The following PLXNA4 variants were observed in gnomAD, a reference collection of about 807,000 sequenced individuals.
PLXNA4 encodes the protein plexin-A4.
PLXNA4 carries 44 observed loss-of-function variants against 191.8 expected under a neutral mutation model. That is an observed-to-expected ratio of 0.23 (90% CI 0.18 to 0.29). PLXNA4 has a LOEUF of 0.29. Ranked by LOEUF, PLXNA4 falls within the 10% of genes least tolerant of loss-of-function variation. The pLI, the probability that PLXNA4 is intolerant of heterozygous loss-of-function variation, is 1.00. For missense variants in PLXNA4, 1,800 were observed against 2,488.8 expected (o/e 0.72, Z 5.89); for synonymous variants, 1,082 against 1,009.5 (o/e 1.07, Z -1.36).
chr7:132,200,015 A>G (rs1242215408), intron 12 of PLXNA4, among the ~76,000 whole-genome samples: 2 of 152,188 alleles, frequency 1.3e-5, no homozygotes, highest in Non-Finnish European at 2.9e-5. Context: ...TGTTCTTCCC[A>G]AATGCCTGCC....
At chr7:132,579,771 T>TC (rs1160773735), upstream of PLXNA4, among the ~76,000 whole-genome samples, 1 of 152,130 alleles carries the variant, frequency 6.6e-6, no homozygotes, top group Non-Finnish European at 1.5e-5. Context: ...AAATTGCCTT[T>TC]CCCCGGTTGC....
At chr7:132,221,342 T>C (rs1303519177) in intron 9 of PLXNA4, among the ~76,000 whole-genome samples, 2 of 152,252 alleles carry the variant, frequency 1.3e-5, no homozygotes, top group African/African-American at 2.4e-5. Context: ...TTCAGTTTAC[T>C]CTTGGGCCTC....
At chr7:132,322,772 T>G (rs1802223823) in intron 3 of PLXNA4, among the ~76,000 whole-genome samples, 1 of 152,172 alleles carries the variant, frequency 6.6e-6, no homozygotes. Flanking sequence ...CTTTGGAAAT[T>G]TAGGAGATCA....
Position 132,508,368 on chromosome 7 carries a change from G to A in PLXNA4, c.326C>T (p.Thr109Ile), listed in dbSNP as rs762890659. The A allele has an allele frequency of 1.9e-6, 3 of 1,614,178 alleles. No homozygotes were observed. The Admixed American group carries it at 5.0e-5, about 27-fold the overall frequency. ...CATCTTGTTGACATTGTTGGTGGTGGTCAGGGGCTCATTGCAGGTCTGGAC... is the reference window on the plus strand; with the variant it reads ...CATCTTGTTGACATTGTTGGTGGTGATCAGGGGCTCATTGCAGGTCTGGAC... ...RIVQTCNEPL[T>I]TTNNVNKMLL... Residue 109 changes from threonine to isoleucine, a missense_variant, in exon 2 of 32, where the codon ACC (threonine) becomes ATC (isoleucine). Coordinates refer to ENST00000321063, the MANE Select transcript of PLXNA4 (RefSeq NM_020911.2). The surrounding 1 kb of genome is among the most constrained non-coding windows in gnomAD (Gnocchi z 4.4).
rs537766196 is a variant in PLXNA4, at chr7:132,529,847, C to T, written c.-86-21068G>A. Among the ~76,000 whole-genome samples the T allele has an allele frequency of 1.6e-4, 24 of 152,230 alleles. No individual in the cohort carries two copies. The South Asian group carries it at 3.5e-3, about 22-fold the overall frequency. On this transcript the variant is annotated intron_variant, in intron 1 of 31. Coordinates refer to ENST00000321063, the MANE Select transcript of PLXNA4 (RefSeq NM_020911.2). ...GTCTCGATCTCCAGACCTCGTGATC[C>T]GCCTGCCTCGGCCTCCCAAAGTGCT...
chr7:132,274,905 G>A (rs1367974227), intron 4 of PLXNA4, among the ~76,000 whole-genome samples: 1 of 151,108 alleles, frequency 6.6e-6, no homozygotes, highest in Non-Finnish European at 1.5e-5. Flanking sequence ...ATAGCACCCA[G>A]CCTCAGTGCA....
At chr7:132,630,728 G>C (rs1395034416) in intron 2 of PLXNA4, among the ~76,000 whole-genome samples, 1 of 152,058 alleles carries the variant, frequency 6.6e-6, no homozygotes, top group African/African-American at 2.4e-5. Flanking sequence ...AGCCAGGATG[G>C]TCTCAATCTC....
intron 2 of PLXNA4, among the ~76,000 whole-genome samples, chr7:132,639,019 G>A (rs1017882984): frequency 1.3e-5 from 2 of 152,104 alleles, no homozygotes; most frequent in Non-Finnish European, 2.9e-5. Context: ...GGCACCCCTC[G>A]CATGGTGCTC....
At chr7:132,414,056 T>C (rs552033735) in intron 3 of PLXNA4, among the ~76,000 whole-genome samples, 2 of 152,314 alleles carry the variant, frequency 1.3e-5, no homozygotes, top group East Asian at 3.9e-4. Context: ...TATCTCATAA[T>C]TTGGGGGAGC....
At chr7:132,193,925 G>T in intron 14 of PLXNA4, 137 bp downstream of exon 14, 1 of 1,098,256 alleles carries the variant, frequency 9.1e-7, no homozygotes, top group South Asian at 1.8e-5. Context: ...TATAAGACAG[G>T]AGTCTCATGA....
chr7:132,585,986 C>T (rs1240027971), intron 2 of PLXNA4, among the ~76,000 whole-genome samples: 1 of 152,164 alleles, frequency 6.6e-6, no homozygotes, highest in East Asian at 1.9e-4. Flanking sequence ...CTCAACAAGG[C>T]TGTGAGGCTT....
chr7:132,334,858 C>T, intron 3 of PLXNA4, among the ~76,000 whole-genome samples: 1 of 152,168 alleles, frequency 6.6e-6, no homozygotes, highest in Non-Finnish European at 1.5e-5. Context: ...AAAGACTCTC[C>T]CCAGGGTCTA....
At chr7:132,488,549 TAGA>T (rs1797654753) in intron 3 of PLXNA4, among the ~76,000 whole-genome samples, 2 of 152,110 alleles carry the variant, frequency 1.3e-5, no homozygotes, top group Non-Finnish European at 2.9e-5. Flanking sequence ...CCTACCACCT[TAGA>T]AGGACTTTTA....
chr7:132,293,926 A>G (rs1028524114), intron 4 of PLXNA4, among the ~76,000 whole-genome samples: 3 of 152,210 alleles, frequency 2.0e-5, no homozygotes, highest in African/African-American at 7.2e-5. Context: ...AGATCCATTT[A>G]GTCACCCATT....
chr7:132,146,589 T>C lies in PLXNA4; in HGVS notation c.4976A>G (p.Glu1659Gly). Reference sequence around the variant, plus strand: ...GTCCCCCTCCTTCTGGTCTCCGTGCTCGTGGTTCTTCACTAGGTGCCACAT... The same window carrying C: ...GTCCCCCTCCTTCTGGTCTCCGTGCCCGTGGTTCTTCACTAGGTGCCACAT... ...VKMWHLVKNH[E>G]HGDQKEGDRG... is the part of the protein sequence containing the mutation. The change falls in exon 28 of 32, where the codon GAG becomes GGG. Residue 1659 changes from glutamate (E) to glycine (G), a missense_variant. Physicochemically the swap from Glu to Gly is moderately conservative, Grantham distance 98. Around this residue, in one of 6 missense-constraint regions of PLXNA4, gnomAD observed 214 missense variants for 298.2 expected, o/e 0.72. Transcript: ENST00000321063. The C allele has an allele frequency of 6.2e-7, 1 of 1,614,212 alleles. No homozygotes were observed. The highest frequency in any genetic ancestry group is 8.5e-7 in the Non-Finnish European group (1 of 1,180,030).
At chr7:132,438,670 T>C (rs1402302029) in intron 3 of PLXNA4, among the ~76,000 whole-genome samples, 5 of 152,372 alleles carry the variant, frequency 3.3e-5, no homozygotes, top group Middle Eastern at 3.4e-3. Context: ...CACTTGCTGG[T>C]AATTAGGCTG....
intron 3 of PLXNA4, among the ~76,000 whole-genome samples, chr7:132,386,264 A>T (rs2116966515): frequency 6.6e-6 from 1 of 152,338 alleles, no homozygotes; most frequent in East Asian, 1.9e-4. Context: ...CAGTGGTCCA[A>T]GAACAACAAA....
chr7:132,492,536 C>T (rs1004621954), intron 2 of PLXNA4, among the ~76,000 whole-genome samples: 1 of 152,160 alleles, frequency 6.6e-6, no homozygotes, highest in African/African-American at 2.4e-5. Context: ...CTGAATGGGG[C>T]CCCAAGTGAT....
At chr7:132,303,987 T>A (rs1031853563) in intron 3 of PLXNA4, among the ~76,000 whole-genome samples, 1 of 152,138 alleles carries the variant, frequency 6.6e-6, no homozygotes, top group East Asian at 1.9e-4. Context: ...GCTACCAATA[T>A]GGCATGCCAG....
Sources: gnomAD v4.1 joint callset for allele counts (sites outside exome capture counted in the v4.1 genomes callset) on GRCh38, gnomAD v4.1.1 for gene constraint, gnomAD v4.1.1 regional missense constraint, Gnocchi (gnomAD v3.1) non-coding constraint, MANE v1.5 for transcripts, NCBI Gene and HGNC (gene_info 2026-07-23, HGNC 2026-07-21) for gene names.